Variants in TANC2 observed in about 807,000 individuals in gnomAD.
TANC2 encodes the protein tetratricopeptide repeat, ankyrin repeat and coiled-coil containing 2.
A neutral mutation model predicts 210.5 loss-of-function variants in TANC2; 26 were observed. The observed-to-expected ratio is 0.12, with a 90% CI of 0.09 to 0.17. The LOEUF is 0.17. Ranked by LOEUF, TANC2 falls within the 10% of genes least tolerant of loss-of-function variation. The probability of loss-of-function intolerance (pLI) is 1.00; values close to 1 mark genes in which losing one functional copy is unlikely to be tolerated. For synonymous variants in TANC2, 931 were observed against 967.1 expected (o/e 0.96, Z 0.69); for missense variants, 2,129 against 2,608.9 (o/e 0.82, Z 4.01).
At chr17:63,406,452 A>G (rs2048510566) in intron 21 of TANC2, among the ~76,000 whole-genome samples, 175 bp downstream of exon 21, 1 of 152,020 alleles carries the variant, frequency 6.6e-6, no homozygotes, top group African/African-American at 2.4e-5. Context: ...TAACTCTGAT[A>G]CTCTCTATTT....
At chr17:63,108,964 T>C (rs891090068) in intron 4 of TANC2, among the ~76,000 whole-genome samples, 2 of 151,506 alleles carry the variant, frequency 1.3e-5, no homozygotes, top group Non-Finnish European at 2.9e-5. Flanking sequence ...CTTTTCTACT[T>C]CTAAAATTTT....
chr17:63,293,134 C>T (rs2044431447), intron 9 of TANC2, among the ~76,000 whole-genome samples: 1 of 152,224 alleles, frequency 6.6e-6, no homozygotes, highest in African/African-American at 2.4e-5. Context: ...GGAATAGCTG[C>T]CCACTCTAGT....
intron 11 of TANC2, among the ~76,000 whole-genome samples, chr17:63,326,858 A>G (rs1025276116): frequency 1.3e-5 from 2 of 152,242 alleles, no homozygotes; most frequent in African/African-American, 4.8e-5. Flanking sequence ...TACAGGCAAC[A>G]AAAGGAAAAA....
chr17:62,981,875 AAG>A (rs2032319458), intron 1 of TANC2, among the ~76,000 whole-genome samples: 1 of 152,192 alleles, frequency 6.6e-6, no homozygotes, highest in African/African-American at 2.4e-5. Context: ...ATCATCCAAA[AAG>A]AGACACATAA....
intron 12 of TANC2, among the ~76,000 whole-genome samples, chr17:63,350,348 A>T (rs2046561170): frequency 6.6e-6 from 1 of 152,158 alleles, no homozygotes. Flanking sequence ...CTGCTAACAA[A>T]TAACTTTTAT....
chr17:62,973,468 A>C (rs2031827238), intron 1 of TANC2, among the ~76,000 whole-genome samples: 1 of 152,226 alleles, frequency 6.6e-6, no homozygotes, highest in Non-Finnish European at 1.5e-5. Flanking sequence ...TTATTGAGTG[A>C]GGATTGTTGA....
chr17:63,396,019 C>A, intron 18 of TANC2, 91 bp downstream of exon 18: 6 of 1,238,214 alleles, frequency 4.8e-6, no homozygotes, highest in Non-Finnish European at 6.7e-6. Flanking sequence ...ACAAAATTGC[C>A]AACCAAATTA....
At chr17:63,368,846 G>A (rs926667233) in intron 14 of TANC2, among the ~76,000 whole-genome samples, 2 of 152,342 alleles carry the variant, frequency 1.3e-5, no homozygotes, top group Non-Finnish European at 2.9e-5. Flanking sequence ...GGTTGACACT[G>A]GAAAACGGGA....
intron 2 of TANC2, among the ~76,000 whole-genome samples, chr17:63,030,710 CT>C (rs1489850701): frequency 1.4e-4 from 22 of 152,078 alleles, no homozygotes; most frequent in African/African-American, 4.1e-4. Flanking sequence ...AGTTCAACCC[CT>C]GAGAACCAGC....
At chr17:63,358,489 C>G (rs1020152402) in intron 14 of TANC2, among the ~76,000 whole-genome samples, 3 of 151,358 alleles carry the variant, frequency 2.0e-5, no homozygotes, top group Non-Finnish European at 4.4e-5. Flanking sequence ...AAAATATGCC[C>G]CTTGAAGCAA....
chr17:63,156,968 AT>A (rs1245394799), intron 5 of TANC2, among the ~76,000 whole-genome samples: 2 of 152,184 alleles, frequency 1.3e-5, no homozygotes, highest in African/African-American at 4.8e-5. Flanking sequence ...TTTTGCTGAG[AT>A]TATAGGCGTG....
At chr17:63,002,526 C>T (rs1266617530) in intron 1 of TANC2, among the ~76,000 whole-genome samples, 2 of 152,126 alleles carry the variant, frequency 1.3e-5, no homozygotes, top group Admixed American at 6.6e-5. Context: ...CCTATTTAAG[C>T]ATGAATATCA....
intron 14 of TANC2, among the ~76,000 whole-genome samples, chr17:63,371,209 A>T (rs2047258893): frequency 6.6e-6 from 1 of 152,188 alleles, no homozygotes; most frequent in Non-Finnish European, 1.5e-5. Flanking sequence ...TCACGCCTGT[A>T]ATCCCAGCAC....
rs2044700348 is a variant in TANC2 at position 63,301,178 on chromosome 17, G to A, written c.1160-13210G>A. On this transcript the variant is annotated intron_variant, in intron 9 of 27. Coordinates refer to ENST00000689528, the Ensembl canonical transcript of TANC2. ...TTTGATGTGCTGCTGGATTTGGTTTGCCAGTATTTTATTGAGGATTTTCGC... is the reference window on the plus strand; with the variant it reads ...TTTGATGTGCTGCTGGATTTGGTTTACCAGTATTTTATTGAGGATTTTCGC... 2.6e-5 allele frequency among the ~76,000 whole-genome samples: 4 copies of A among 152,150 alleles called. No homozygotes were observed. The South Asian group carries it at 8.3e-4, about 32-fold the overall frequency.
Position 63,237,998 on chromosome 17 carries a change from G to C in TANC2, c.954G>C (p.Glu318Asp). The stretch of plus-strand genomic sequence containing the variant: ...CCTATAGTCTGAATAAGATCCCAGA[G>C]AGAAATTTGGAAACAGTGTTATCTC... The change falls in exon 8 of 28, where the codon GAG (glutamate) becomes GAC (aspartate). Residue 318 changes from glutamate (E) to aspartate (D), a missense_variant. Physicochemically the swap from Glu to Asp is conservative, Grantham distance 45 (BLOSUM62 2). Coordinates refer to ENST00000689528, the Ensembl canonical transcript of TANC2. The C allele has an allele frequency of 6.4e-7, 1 of 1,572,666 alleles. No homozygotes were observed. The highest frequency in any genetic ancestry group is 8.6e-7 in the Non-Finnish European group (1 of 1,157,914).
intron 9 of TANC2, among the ~76,000 whole-genome samples, chr17:63,278,419 A>G (rs1056066587): frequency 1.3e-5 from 2 of 152,120 alleles, no homozygotes; most frequent in Non-Finnish European, 2.9e-5. Flanking sequence ...CAAAACCATA[A>G]TGAGATAGTA....
chr17:63,017,356 C>G (rs1260132229), intron 2 of TANC2, among the ~76,000 whole-genome samples: 1 of 152,032 alleles, frequency 6.6e-6, no homozygotes, highest in Non-Finnish European at 1.5e-5. Context: ...TTATTTTTTA[C>G]TAAAATGATA....
At chr17:63,315,583 G>A (rs1312644582) in intron 10 of TANC2, among the ~76,000 whole-genome samples, 7 of 152,110 alleles carry the variant, frequency 4.6e-5, no homozygotes, top group African/African-American at 1.7e-4. Context: ...TTAGTTAGAA[G>A]AGAACAAAAA....
At chr17:63,415,753 C>T (rs145797705) in intron 26 of TANC2, 79 bp downstream of exon 26, 1 of 1,525,514 alleles carries the variant, frequency 6.6e-7, no homozygotes, top group Admixed American at 2.0e-5. Context: ...TTTACCAGGC[C>T]CCTGAAATCC....
Sources: gnomAD v4.1 joint callset for allele counts (sites outside exome capture counted in the v4.1 genomes callset) on GRCh38, gnomAD v4.1.1 for gene constraint, MANE v1.5 for transcripts, NCBI Gene and HGNC (gene_info 2026-07-23, HGNC 2026-07-21) for gene names.